Variants in TIMP4 observed in about 807,000 individuals in gnomAD.
TIMP4 encodes metalloproteinase inhibitor 4.
TIMP4 carries 28 observed loss-of-function variants against 27.3 expected under a neutral mutation model. That is an observed-to-expected ratio of 1.03 (90% confidence interval 0.76 to 1.41). The LOEUF (loss-of-function observed/expected upper bound fraction) is 1.41. TIMP4 is among the 40% of genes most tolerant of loss of function. The pLI, the probability that TIMP4 is intolerant of heterozygous loss-of-function variation, is 0.00. For synonymous variants in TIMP4, 138 were observed against 115.5 expected (o/e 1.20, Z -1.25); for missense variants, 307 against 285.5 (o/e 1.08, Z -0.54).
rs1559442556 is a variant in TIMP4 at position 12,153,378 on chromosome 3, G to A, written c.*137C>T. The A allele has an allele frequency of 9.7e-7, 1 of 1,030,470 alleles. No homozygotes were observed. The highest frequency in any genetic ancestry group is 1.5e-6 in the Non-Finnish European group (1 of 672,970). 63.8% of individuals were successfully genotyped at this position (1,030,470 alleles called of 1,614,324 possible). A position where few individuals can be genotyped will look rare whatever the true frequency, so the allele number is the denominator to read the frequency against. On this transcript the variant is annotated 3_prime_UTR_variant, in exon 5 of 5. Coordinates refer to ENST00000287814, the MANE Select transcript of TIMP4 (RefSeq NM_003256.4). ...TCATGGCCCCTTCCCTGCCTTGACA[G>A]TGGCCAGACTGTCCACTTGGCACTT...
Position 12,153,347 on chromosome 3 carries a change from G to GA in TIMP4, c.*167dup. The GA allele has an allele frequency of 1.3e-6, 1 of 758,868 alleles. No individual in the cohort carries two copies. Among genetic ancestry groups the GA allele is most frequent in the Non-Finnish European group, 2.2e-6 (1 of 452,536 alleles). The allele number at this position is 758,868 out of a possible 1,614,324, so 47.0% of individuals were successfully genotyped here. Reference sequence around the variant, plus strand: ...GGGGCAACAGGCTGAGGGCAGGGCAGAAAAGTCATGGCCCCTTCCCTGCCT... The same window carrying GA: ...GGGGCAACAGGCTGAGGGCAGGGCAGAAAAAGTCATGGCCCCTTCCCTGCCT... On this transcript the variant is annotated 3_prime_UTR_variant, in exon 5 of 5. Transcript: ENST00000287814.
Position 12,158,693 on chromosome 3 carries a change from C to A in TIMP4, c.139+9G>T, listed in dbSNP as rs780870172. 1.9e-6 allele frequency: 3 copies of A among 1,609,994 alleles called. No homozygotes were observed. Among genetic ancestry groups the A allele is most frequent in the Non-Finnish European group, 8.5e-7 (1 of 1,179,592 alleles). ...CCCCTGCTGTGGACCTCGCGGACCT[C>A]GGACTCACCAAGTGCCGAGTGGCAG... is the stretch of plus-strand genomic sequence containing the variant. On this transcript the variant is annotated intron_variant, in intron 1 of 4. Transcript: ENST00000287814.
At chr3:12,157,677 C>T (rs1697499204) in intron 1 of TIMP4, among the ~76,000 whole-genome samples, 195 bp from the exon 2 acceptor site, 1 of 152,120 alleles carries the variant, frequency 6.6e-6, no homozygotes, top group African/African-American at 2.4e-5. Flanking sequence ...GTTCCAAACC[C>T]CTCAGGCTTA....
chr3:12,153,856 G>A, intron 4 of TIMP4, 144 bp from the exon 5 acceptor site: 2 of 894,568 alleles, frequency 2.2e-6, no homozygotes, highest in East Asian at 2.7e-5. Flanking sequence ...GTCTTCTCCT[G>A]GATTCTCCTT....
intron 4 of TIMP4, among the ~76,000 whole-genome samples, chr3:12,154,014 C>T (rs1247483957): frequency 6.6e-6 from 1 of 152,164 alleles, no homozygotes. Flanking sequence ...CTTAATTCTT[C>T]ATAAATATGT....
chr3:12,153,453 G>A lies in TIMP4; in HGVS notation c.*62C>T. On this transcript the variant is annotated 3_prime_UTR_variant, in exon 5 of 5. Coordinates refer to ENST00000287814, the MANE Select transcript of TIMP4 (RefSeq NM_003256.4). Reference sequence around the variant, plus strand: ...AGGTGGTAATGGCCAAAGCTCTGCAGGGAAGGAGAACTGGCTTGATCTTCA... The same window carrying A: ...AGGTGGTAATGGCCAAAGCTCTGCAAGGAAGGAGAACTGGCTTGATCTTCA... 3 of 1,588,644 alleles carry A rather than the reference G, an allele frequency of 1.9e-6. No homozygotes were observed. Among genetic ancestry groups the A allele is most frequent in the Non-Finnish European group, 2.6e-6 (3 of 1,159,046 alleles).
At position 12,153,270 on chromosome 3, in the gene TIMP4, G is replaced by A. The variant is rs1697357132; in HGVS notation, c.*245C>T. 1 of 567,520 alleles carries A rather than the reference G, an allele frequency of 1.8e-6. No individual in the cohort carries two copies. The highest frequency in any genetic ancestry group is 3.0e-5 in the Admixed American group (1 of 33,096). 35.2% of individuals were successfully genotyped at this position (567,520 alleles called of 1,614,324 possible). ...CTTTAGAAAACAGACTAAGCCAGAA[G>A]AAACACTTGCAGTAACAGCTACAAG... On this transcript the variant is annotated 3_prime_UTR_variant, in exon 5 of 5. Coordinates refer to ENST00000287814, the MANE Select transcript of TIMP4 (RefSeq NM_003256.4).
chr3:12,157,203 C>G (rs1051705945), intron 2 of TIMP4, among the ~76,000 whole-genome samples, 182 bp downstream of exon 2: 1 of 152,160 alleles, frequency 6.6e-6, no homozygotes, highest in Non-Finnish European at 1.5e-5. Context: ...CTGAGGCCCT[C>G]CCTGGCAATA....
At chr3:12,153,771 G>A (rs1697374131) in intron 4 of TIMP4, 59 bp from the exon 5 acceptor site, 3 of 1,579,884 alleles carry the variant, frequency 1.9e-6, no homozygotes, top group South Asian at 1.1e-5. Flanking sequence ...TTCCATTGCT[G>A]CCTTTCAGAT....
intron 1 of TIMP4, among the ~76,000 whole-genome samples, chr3:12,157,829 C>T (rs1162211803): frequency 1.2e-4 from 19 of 152,032 alleles, no homozygotes; most frequent in African/African-American, 4.4e-4. Flanking sequence ...TCAGGGCAGT[C>T]GGTGTGAAGT....
intron 3 of TIMP4, among the ~76,000 whole-genome samples, chr3:12,156,072 C>T (rs2125229620): frequency 6.6e-6 from 1 of 152,358 alleles, no homozygotes; most frequent in East Asian, 1.9e-4. Flanking sequence ...TCTCCACTCT[C>T]CTGGCCAAGG....
At chr3:12,155,362 A>G (rs1022924479) in intron 3 of TIMP4, among the ~76,000 whole-genome samples, 1 of 152,252 alleles carries the variant, frequency 6.6e-6, no homozygotes, top group Non-Finnish European at 1.5e-5. Flanking sequence ...CATCTATGGA[A>G]GGAGTGTGGG....
At position 12,158,784 on chromosome 3, in the gene TIMP4, C is replaced by T. The variant is rs150776929; in HGVS notation, c.57G>A (p.Ala19=). The change falls in exon 1 of 5, where the codon GCG becomes GCA. Residue 19 remains alanine (A), a synonymous_variant. Transcript: ENST00000287814. ...PSWVLLLRLL[A]LLRPPGLGEA... is the part of the protein sequence containing the mutation. The stretch of plus-strand genomic sequence containing the variant: ...CACCCAGCCCCGGGGGCCGCAGCAA[C>T]GCCAGCAGCCGCAGCAACAGCACCC... 210 of 1,603,144 alleles carry T rather than the reference C, an allele frequency of 1.3e-4. No individual in the cohort carries two copies. In the African/African-American group the frequency reaches 2.1e-3, roughly 16 times the overall value.
At chr3:12,158,385 T>C (rs1697522434) in intron 1 of TIMP4, among the ~76,000 whole-genome samples, 2 of 152,176 alleles carry the variant, frequency 1.3e-5, no homozygotes, top group South Asian at 4.1e-4. Flanking sequence ...GTCCCCAGTC[T>C]AGTAGTTCAG....
In TIMP4 at chr3:12,158,860, T is replaced by C. The variant is rs756159545; in HGVS notation, c.-20A>G. On this transcript the variant is annotated 5_prime_UTR_variant, in exon 1 of 5. Coordinates refer to ENST00000287814, the MANE Select transcript of TIMP4 (RefSeq NM_003256.4). ...AGGCATGACACTGCAGATCCGCGAC[T>C]GAGCCTGTGAGGTCTGGGGGACTGG... 167 of 1,544,416 alleles carry C rather than the reference T, an allele frequency of 1.1e-4. No individual in the cohort carries two copies. The highest frequency in any genetic ancestry group is 1.4e-4 in the Non-Finnish European group (162 of 1,149,480).
intron 1 of TIMP4, among the ~76,000 whole-genome samples, chr3:12,158,235 G>T (rs1038669462): frequency 7.2e-5 from 11 of 152,218 alleles, no homozygotes; most frequent in African/African-American, 2.4e-4. Flanking sequence ...GAATTTAAGG[G>T]TGTGAGGGAG....
At chr3:12,155,730 G>A (rs1660865777) in intron 3 of TIMP4, among the ~76,000 whole-genome samples, 1 of 152,180 alleles carries the variant, frequency 6.6e-6, no homozygotes, top group South Asian at 2.1e-4. Context: ...CCCTCAGTTA[G>A]ACTTGACCTC....
Position 12,153,726 on chromosome 3 carries a change from C to T in TIMP4, c.478-14G>A. ...GCAGGTGGTGATCTAGAGTCATGGC[C>T]ACACAACATTAAAGTGAGTAGGGTG... On this transcript the variant is annotated splice_polypyrimidine_tract_variant and intron_variant, in intron 4 of 4. Transcript: ENST00000287814. 1.2e-6 allele frequency: 2 copies of T among 1,614,098 alleles called. No homozygotes were observed. Among genetic ancestry groups the T allele is most frequent in the Non-Finnish European group, 1.7e-6 (2 of 1,179,976 alleles).
At position 12,157,460 on chromosome 3, in the gene TIMP4, A is replaced by G. The variant is rs771111469; in HGVS notation, c.162T>C (p.Ser54=). ...CTGCACTGGCCGGAACTACCTTCTC[A>G]CTGGAGATTTTGGCCCGAATCACTG... ...SALVIRAKIS[S]EKVVPASADP... Residue 54 remains serine (S), a synonymous_variant, in exon 2 of 5, where the codon AGT becomes AGC. Transcript: ENST00000287814. The G allele has an allele frequency of 6.8e-5, 110 of 1,613,966 alleles. 3 individuals are homozygous for G. Among genetic ancestry groups the G allele is most frequent in the East Asian group, 8.9e-5 (4 of 44,886 alleles).
Sources: gnomAD v4.1 joint callset for allele counts (sites outside exome capture counted in the v4.1 genomes callset) on GRCh38, gnomAD v4.1.1 for gene constraint, MANE v1.5 for transcripts, NCBI Gene and HGNC (gene_info 2026-07-23, HGNC 2026-07-21) for gene names.